RGS7: variants seen among roughly 807,000 people sequenced by gnomAD.
RGS7 encodes the protein regulator of G protein signaling 7.
In RGS7, 27 loss-of-function variants were observed where a neutral mutation model predicts 81.1. That is an observed-to-expected ratio of 0.33 (90% confidence interval 0.25 to 0.46). The LOEUF is 0.46. RGS7 is among the 20% of genes least tolerant of loss of function. The probability of loss-of-function intolerance (pLI) is 1.00; values close to 1 mark genes in which losing one functional copy is unlikely to be tolerated. For synonymous variants in RGS7, 208 were observed against 207.7 expected (o/e 1.00, Z -0.01); for missense variants, 396 against 607.4 (o/e 0.65, Z 3.66).
intron 15 of RGS7, among the ~76,000 whole-genome samples, chr1:240,804,008 A>C (rs1275680745): frequency 6.6e-6 from 1 of 152,186 alleles, no homozygotes; most frequent in Non-Finnish European, 1.5e-5. Context: ...TGATCTTCAA[A>C]GGATGTTAAG....
intron 18 of RGS7, among the ~76,000 whole-genome samples, chr1:240,790,202 A>C (rs995084104): frequency 1.3e-5 from 2 of 152,180 alleles, no homozygotes; most frequent in African/African-American, 4.8e-5. Flanking sequence ...ACTGCACTCC[A>C]TCCTGGGTAA....
intron 4 of RGS7, among the ~76,000 whole-genome samples, chr1:240,972,685 T>A (rs1344826411): frequency 9.4e-6 from 1 of 106,550 alleles, no homozygotes. Context: ...ACCCTAAAAC[T>A]TAAAGTATAA....
intron 2 of RGS7, among the ~76,000 whole-genome samples, chr1:241,270,261 G>C (rs1409229726): frequency 6.6e-6 from 1 of 152,090 alleles, no homozygotes; most frequent in Non-Finnish European, 1.5e-5. Context: ...ACTTCAGTTA[G>C]TCCAGGTGGA....
intron 2 of RGS7, among the ~76,000 whole-genome samples, chr1:241,146,514 G>T (rs1384705135): frequency 2.0e-5 from 3 of 152,060 alleles, no homozygotes. Flanking sequence ...CCCTATCCTT[G>T]CTCAACAAAA....
chr1:240,812,433 T>G (rs2103100486), intron 13 of RGS7, among the ~76,000 whole-genome samples: 1 of 102,548 alleles, frequency 9.8e-6, no homozygotes, highest in Non-Finnish European at 2.6e-5. Flanking sequence ...CACATTTCTT[T>G]TTTCTTTTTT....
chr1:241,021,061 G>A (rs567679731), intron 3 of RGS7, among the ~76,000 whole-genome samples: 2 of 152,276 alleles, frequency 1.3e-5, no homozygotes, highest in South Asian at 4.1e-4. Context: ...CTTCTTATTA[G>A]TGTTGTCAAC....
At chr1:240,910,657 C>T (rs192378594) in intron 6 of RGS7, among the ~76,000 whole-genome samples, 71 of 152,258 alleles carry the variant, frequency 4.7e-4, no homozygotes, top group Admixed American at 9.8e-4. Flanking sequence ...GATCTAATCA[C>T]CGTATATTAT....
At chr1:241,011,846 T>C (rs2058971775) in intron 3 of RGS7, among the ~76,000 whole-genome samples, 1 of 152,038 alleles carries the variant, frequency 6.6e-6, no homozygotes, top group Admixed American at 6.6e-5. Flanking sequence ...ACATGATCTT[T>C]TGATATATAT....
chr1:241,128,400 A>G (rs903212033), intron 2 of RGS7, among the ~76,000 whole-genome samples: 4 of 152,058 alleles, frequency 2.6e-5, no homozygotes, highest in African/African-American at 4.8e-5. Context: ...CCTGGCCAAC[A>G]TGGTAAAACC....
chr1:241,186,523 A>ATAT (rs1456489176), intron 2 of RGS7: 104 of 277,898 alleles, frequency 3.7e-4, no homozygotes, highest in African/African-American at 2.3e-3. Flanking sequence ...ATATATATAT[A>ATAT]TTTTTTTTTT....
chr1:241,327,916 T>G (rs1159667102), intron 2 of RGS7, among the ~76,000 whole-genome samples: 1 of 152,236 alleles, frequency 6.6e-6, no homozygotes, highest in African/African-American at 2.4e-5. Context: ...TACCACATTC[T>G]AGTACAGACT....
chr1:240,866,239 C>T (rs933826882), intron 9 of RGS7, among the ~76,000 whole-genome samples: 1 of 152,136 alleles, frequency 6.6e-6, no homozygotes, highest in Non-Finnish European at 1.5e-5. Context: ...TGGCCGGGCG[C>T]GGTTGCTCAC....
chr1:240,829,792 GTC>G (rs903554212), intron 9 of RGS7, among the ~76,000 whole-genome samples: 2 of 152,058 alleles, frequency 1.3e-5, no homozygotes, highest in African/African-American at 4.8e-5. Context: ...GTGAGATTCT[GTC>G]TCTCTCTGTC....
At chr1:241,187,040 T>C (rs1343075511) in intron 2 of RGS7, among the ~76,000 whole-genome samples, 3 of 152,156 alleles carry the variant, frequency 2.0e-5, no homozygotes, top group African/African-American at 4.8e-5. Context: ...CAAACGAGAA[T>C]AGATTTTCTA....
chr1:240,988,880 A>C (rs1686049253), intron 3 of RGS7, among the ~76,000 whole-genome samples: 1 of 152,234 alleles, frequency 6.6e-6, no homozygotes, highest in Non-Finnish European at 1.5e-5. Context: ...CTGGGCACTC[A>C]CAGCTATGTC....
intron 2 of RGS7, among the ~76,000 whole-genome samples, chr1:241,281,959 T>C (rs2078539189): frequency 6.6e-6 from 1 of 152,312 alleles, no homozygotes; most frequent in South Asian, 2.1e-4. Context: ...GGTCTATTAG[T>C]AGTTAAGTTT....
At chr1:241,302,498 A>G (rs1409341786) in intron 2 of RGS7, among the ~76,000 whole-genome samples, 5 of 152,122 alleles carry the variant, frequency 3.3e-5, no homozygotes, top group Admixed American at 1.3e-4. Flanking sequence ...GCAGTGAGCC[A>G]AGATCACGCC....
chr1:241,191,782 T>C (rs181918381), intron 2 of RGS7, among the ~76,000 whole-genome samples: 4 of 152,380 alleles, frequency 2.6e-5, no homozygotes, highest in Admixed American at 2.6e-4. Flanking sequence ...TTAATAGTCA[T>C]AGGGCCATTC....
chr1:240,830,789 A>G (rs1693704244), intron 9 of RGS7, among the ~76,000 whole-genome samples: 1 of 152,214 alleles, frequency 6.6e-6, no homozygotes, highest in Non-Finnish European at 1.5e-5. Context: ...ACTTCATACC[A>G]GGGGTCATAA....
Sources: allele counts gnomAD v4.1 joint callset (sites outside exome capture counted in the v4.1 genomes callset), GRCh38; gene constraint gnomAD v4.1.1; transcripts MANE v1.5; gene names NCBI Gene and HGNC (gene_info 2026-07-23, HGNC 2026-07-21).